The following MAN1C1 variants were observed in gnomAD, a reference collection of about 807,000 sequenced individuals.
The protein encoded by MAN1C1 is mannosyl-oligosaccharide 1,2-alpha-mannosidase IC.
In MAN1C1, 49 loss-of-function variants were observed where a neutral mutation model predicts 71.5. The observed-to-expected ratio is 0.69, with a 90% CI of 0.54 to 0.87. The LOEUF is 0.87. Ranked by LOEUF, MAN1C1 falls within the 40% of genes least tolerant of loss-of-function variation. MAN1C1 has a pLI of 0.00. For synonymous variants in MAN1C1, 352 were observed against 343.7 expected (o/e 1.02, Z -0.27); for missense variants, 743 against 835.0 (o/e 0.89, Z 1.36).
intron 1 of MAN1C1, among the ~76,000 whole-genome samples, chr1:25,669,583 G>A (rs145605459): frequency 4.3e-4 from 66 of 152,094 alleles, no homozygotes; most frequent in African/African-American, 1.4e-3. Flanking sequence ...CTTGGGCAAC[G>A]TATCGAGACC....
intron 2 of MAN1C1, among the ~76,000 whole-genome samples, chr1:25,733,300 G>A (rs1256794004): frequency 6.6e-6 from 1 of 152,116 alleles, no homozygotes; most frequent in African/African-American, 2.4e-5. Flanking sequence ...TCATACAGCA[G>A]CCAGTCAGAT....
At chr1:25,751,204 C>T (rs146495605) in intron 4 of MAN1C1, among the ~76,000 whole-genome samples, 6 of 136,228 alleles carry the variant, frequency 4.4e-5, no homozygotes, top group South Asian at 2.6e-4. Context: ...TCCTTCCATT[C>T]GTCTTTCCTT....
At chr1:25,745,626 A>G (rs1050595536) in intron 2 of MAN1C1, among the ~76,000 whole-genome samples, 1 of 152,204 alleles carries the variant, frequency 6.6e-6, no homozygotes, top group Non-Finnish European at 1.5e-5. Flanking sequence ...ATGGTATCCT[A>G]TTTTATATTT....
chr1:25,777,179 G>GCAGAGTA (rs1314015316), intron 8 of MAN1C1, among the ~76,000 whole-genome samples: 1 of 152,162 alleles, frequency 6.6e-6, no homozygotes, highest in Non-Finnish European at 1.5e-5. Flanking sequence ...TTTGTTAATT[G>GCAGAGTA]CAGAGTACAG....
intron 2 of MAN1C1, among the ~76,000 whole-genome samples, chr1:25,740,443 G>A (rs2047045910): frequency 6.6e-6 from 1 of 151,928 alleles, no homozygotes; most frequent in African/African-American, 2.4e-5. Flanking sequence ...TGTTGTTGTT[G>A]TCGTTGTTGT....
chr1:25,698,487 G>A (rs368022574), intron 2 of MAN1C1, among the ~76,000 whole-genome samples: 302 of 152,272 alleles, frequency 2.0e-3, no homozygotes, highest in Middle Eastern at 0.01. Flanking sequence ...AGACTGTTTA[G>A]GCATAAGACA....
rs919754857 is a variant in MAN1C1, at chr1:25,708,780, A to T, written c.637+22244A>T. ...GCTCCTGTAATCCCAGCTACTTGGGAGACTGAGGCAGGAGAATCACTTGAA... is the reference window on the plus strand; with the variant it reads ...GCTCCTGTAATCCCAGCTACTTGGGTGACTGAGGCAGGAGAATCACTTGAA... On this transcript the variant is annotated intron_variant, in intron 2 of 11. Coordinates refer to ENST00000374332, the MANE Select transcript of MAN1C1 (RefSeq NM_020379.4). 3.9e-5 allele frequency among the ~76,000 whole-genome samples: 6 copies of T among 152,114 alleles called. No individual in the cohort carries two copies. In the East Asian group the frequency reaches 1.2e-3, roughly 29 times the overall value.
chr1:25,686,333 T>A, intron 1 of MAN1C1, 107 bp from the exon 2 acceptor site: 1 of 890,288 alleles, frequency 1.1e-6, no homozygotes. Flanking sequence ...ATTTGGAAGG[T>A]TATCTTTTAG....
chr1:25,719,780 TTTTGTTTG>T (rs573468036), intron 2 of MAN1C1, among the ~76,000 whole-genome samples: 9 of 152,036 alleles, frequency 5.9e-5, no homozygotes, highest in South Asian at 4.1e-4. Context: ...CTCATTGTTA[TTTTGTTTG>T]TTTGTTTGTT....
chr1:25,732,285 C>T (rs769255136), intron 2 of MAN1C1, among the ~76,000 whole-genome samples: 10 of 152,130 alleles, frequency 6.6e-5, no homozygotes, highest in Non-Finnish European at 1.0e-4. Flanking sequence ...CTGGGACCTT[C>T]TTGGACCCTC....
At chr1:25,695,799 C>T (rs1183220144) in intron 2 of MAN1C1, among the ~76,000 whole-genome samples, 1 of 152,208 alleles carries the variant, frequency 6.6e-6, no homozygotes, top group Non-Finnish European at 1.5e-5. Flanking sequence ...GCCTTGGGTT[C>T]GTGTCCCCGC....
At chr1:25,772,785 C>A (rs1002240287) in intron 8 of MAN1C1, among the ~76,000 whole-genome samples, 1 of 152,178 alleles carries the variant, frequency 6.6e-6, no homozygotes, top group African/African-American at 2.4e-5. Flanking sequence ...TCCCTGGGCC[C>A]TGCTGATCAC....
intron 1 of MAN1C1, chr1:25,646,060 C>T (rs1226979142): frequency 6.6e-6 from 1 of 152,304 alleles, no homozygotes; most frequent in African/African-American, 2.4e-5. Flanking sequence ...ATGTCTATTC[C>T]AGTTCACTGT....
chr1:25,732,641 G>A (rs1394025818), intron 2 of MAN1C1, among the ~76,000 whole-genome samples: 1 of 152,192 alleles, frequency 6.6e-6, no homozygotes, highest in African/African-American at 2.4e-5. Flanking sequence ...CACTGTGGAG[G>A]ATGAGGAAAC....
chr1:25,662,790 G>A (rs951917082), intron 1 of MAN1C1, among the ~76,000 whole-genome samples: 2 of 152,138 alleles, frequency 1.3e-5, no homozygotes, highest in African/African-American at 4.8e-5. Context: ...GGCCGGGCAC[G>A]GTGGCTCACG....
At chr1:25,767,654 C>T (rs1417637643) in intron 7 of MAN1C1, among the ~76,000 whole-genome samples, 2 of 77,960 alleles carry the variant, frequency 2.6e-5, no homozygotes, top group Non-Finnish European at 5.1e-5. Flanking sequence ...ACTCCCCCCA[C>T]ACACAGACCC....
At position 25,631,336 on chromosome 1, in the gene MAN1C1, G is replaced by C. The variant is rs1411867814; in HGVS notation, c.540+12999G>C. Among the ~76,000 whole-genome samples the C allele has an allele frequency of 6.6e-6, 1 of 152,146 alleles. No individual in the cohort carries two copies. The highest frequency in any genetic ancestry group is 2.4e-5 in the African/African-American group (1 of 41,430). On this transcript the variant is annotated intron_variant, in intron 1 of 11. Transcript: ENST00000374332. This position sits in a 1 kb window ranked among gnomAD's most constrained non-coding sequence, Gnocchi z 4.2. ...CTTGTTCCAGTTCTTAGAAGGGAATGCCTTAAACTTTTCCCCATTCGGTAT... is the reference window on the plus strand; with the variant it reads ...CTTGTTCCAGTTCTTAGAAGGGAATCCCTTAAACTTTTCCCCATTCGGTAT...
intron 10 of MAN1C1, among the ~76,000 whole-genome samples, chr1:25,781,731 C>G (rs565503822): frequency 6.6e-6 from 1 of 152,054 alleles, no homozygotes; most frequent in East Asian, 1.9e-4. Context: ...GAGCATTGCA[C>G]TCAGACGGGG....
At chr1:25,640,987 T>C (rs559528936) in intron 1 of MAN1C1, among the ~76,000 whole-genome samples, 1 of 152,326 alleles carries the variant, frequency 6.6e-6, no homozygotes, top group African/African-American at 2.4e-5. Context: ...TTGGCGCTAA[T>C]AGGAGCGGGA....
Sources: allele counts gnomAD v4.1 joint callset (sites outside exome capture counted in the v4.1 genomes callset), GRCh38; gene constraint gnomAD v4.1.1; non-coding constraint Gnocchi (gnomAD v3.1); transcripts MANE v1.5; gene names NCBI Gene and HGNC (gene_info 2026-07-23, HGNC 2026-07-21).